The following ATG5 variants were observed in gnomAD, a reference collection of about 807,000 sequenced individuals.
The protein encoded by ATG5 is autophagy protein 5.
Under a neutral mutation model 36.5 loss-of-function variants are expected in ATG5, and 14 were observed. That is an observed-to-expected ratio of 0.38 (90% CI 0.25 to 0.60). ATG5 has a LOEUF of 0.60. Among genes scored for constraint, ATG5 ranks in the 20% least tolerant of loss-of-function variants. ATG5 has a pLI of 0.60. For synonymous variants in ATG5, 95 were observed against 101.5 expected (o/e 0.94, Z 0.38); for missense variants, 195 against 326.7 (o/e 0.60, Z 3.11).
intron 6 of ATG5, among the ~76,000 whole-genome samples, chr6:106,214,805 T>C (rs1238082708): frequency 2.0e-5 from 3 of 152,184 alleles, no homozygotes; most frequent in African/African-American, 7.2e-5. Context: ...ATGCTTGTTA[T>C]AAGCCCATTT....
chr6:106,264,370 G>A (rs1051378881), intron 5 of ATG5, among the ~76,000 whole-genome samples: 2 of 152,130 alleles, frequency 1.3e-5, no homozygotes, highest in Admixed American at 1.3e-4. Context: ...TACAATCGGT[G>A]TACCTGAAAA....
intron 6 of ATG5, among the ~76,000 whole-genome samples, chr6:106,212,527 TAC>T (rs1776893044): frequency 6.6e-6 from 1 of 152,142 alleles, no homozygotes; most frequent in Non-Finnish European, 1.5e-5. Context: ...TAATCCCAGC[TAC>T]TCGGGAGGCT....
chr6:106,255,551 G>A (rs748193538), intron 5 of ATG5, among the ~76,000 whole-genome samples: 4 of 152,096 alleles, frequency 2.6e-5, no homozygotes, highest in South Asian at 2.1e-4. Flanking sequence ...ATCTTTAAAC[G>A]TATTCCAAGA....
chr6:106,316,083 C>T lies in ATG5; in HGVS notation c.108+18G>A. The T allele has an allele frequency of 6.4e-7, 1 of 1,572,234 alleles. No individual in the cohort carries two copies. The highest frequency in any genetic ancestry group is 2.3e-5 in the East Asian group (1 of 43,298). ...GGACAAGGTTAAATATCCCATTTGCCACAATCAATGTACTTACATAGTATG... is the reference window on the plus strand; with the variant it reads ...GGACAAGGTTAAATATCCCATTTGCTACAATCAATGTACTTACATAGTATG... On this transcript the variant is annotated intron_variant, in intron 2 of 7. Coordinates refer to ENST00000369076, the MANE Select transcript of ATG5 (RefSeq NM_004849.4).
At chr6:106,315,628 T>C (rs1274642909) in intron 2 of ATG5, among the ~76,000 whole-genome samples, 2 of 152,160 alleles carry the variant, frequency 1.3e-5, no homozygotes, top group African/African-American at 2.4e-5. Context: ...TATGTGTGCA[T>C]GTTTATATGT....
intron 6 of ATG5, among the ~76,000 whole-genome samples, chr6:106,213,849 A>G (rs1776943150): frequency 6.6e-6 from 1 of 152,234 alleles, no homozygotes; most frequent in Non-Finnish European, 1.5e-5. Context: ...TATCTAATGT[A>G]ACAAGTGCTT....
At chr6:106,193,518 G>C (rs562390730) in intron 7 of ATG5, among the ~76,000 whole-genome samples, 1 of 152,106 alleles carries the variant, frequency 6.6e-6, no homozygotes, top group Non-Finnish European at 1.5e-5. Context: ...ATGATCAGTT[G>C]TAATTATAAA....
chr6:106,202,151 TTA>T (rs1776456257), intron 6 of ATG5, 62 bp from the exon 7 acceptor site: 1 of 1,294,164 alleles, frequency 7.7e-7, no homozygotes, highest in Non-Finnish European at 1.1e-6. Flanking sequence ...AATTACAAAT[TTA>T]TATATCATAA....
At chr6:106,193,093 G>C (rs912272536) in intron 7 of ATG5, among the ~76,000 whole-genome samples, 4 of 152,188 alleles carry the variant, frequency 2.6e-5, no homozygotes, top group Non-Finnish European at 4.4e-5. Context: ...CCTGGGGAAT[G>C]AGATCTCAAT....
chr6:106,200,481 T>TC (rs1464607534), intron 7 of ATG5, among the ~76,000 whole-genome samples: 2 of 151,978 alleles, frequency 1.3e-5, no homozygotes, highest in Non-Finnish European at 2.9e-5. Flanking sequence ...TCTGCAATTT[T>TC]TTTTTTTTTT....
intron 6 of ATG5, among the ~76,000 whole-genome samples, chr6:106,228,507 G>A (rs558291226): frequency 6.6e-5 from 10 of 152,166 alleles, no homozygotes; most frequent in Middle Eastern, 6.8e-3. Context: ...CACTCACCGC[G>A]TGGCCCAAGA....
chr6:106,319,030 G>C (rs1770965421), intron 1 of ATG5, among the ~76,000 whole-genome samples: 1 of 152,126 alleles, frequency 6.6e-6, no homozygotes, highest in South Asian at 2.1e-4. Flanking sequence ...AGACTGTCTG[G>C]AGCCAAAACC....
In ATG5 at chr6:106,252,649, T is replaced by C. The variant is rs550997183; in HGVS notation, c.479-4405A>G. ...AAAACTCAAGGCAAAATAATTCTTA[T>C]GCCACAAATAACATGTCTAAAATCC... On this transcript the variant is annotated intron_variant, in intron 5 of 7. Transcript: ENST00000369076. Among the ~76,000 whole-genome samples the C allele has an allele frequency of 2.0e-5, 3 of 152,314 alleles. No individual in the cohort carries two copies. In the East Asian group the frequency reaches 5.8e-4, roughly 29 times the overall value.
intron 4 of ATG5, among the ~76,000 whole-genome samples, chr6:106,284,719 GT>G (rs1182162409): frequency 6.9e-6 from 1 of 144,332 alleles, no homozygotes; most frequent in Non-Finnish European, 1.5e-5. Flanking sequence ...GTTGTGTGGG[GT>G]TTTTTTTGTT....
At chr6:106,296,980 CAAAG>C (rs1057226537) in intron 3 of ATG5, among the ~76,000 whole-genome samples, 1 of 152,138 alleles carries the variant, frequency 6.6e-6, no homozygotes, top group Admixed American at 6.5e-5. Flanking sequence ...GGACAAAATA[CAAAG>C]AGAGACAGCA....
intron 5 of ATG5, among the ~76,000 whole-genome samples, chr6:106,269,291 T>C (rs964297880): frequency 6.6e-6 from 1 of 152,150 alleles, no homozygotes; most frequent in African/African-American, 2.4e-5. Context: ...ATTGGTGTAT[T>C]TACAACCCCT....
chr6:106,283,192 A>G (rs1779945690), intron 4 of ATG5, among the ~76,000 whole-genome samples: 1 of 152,104 alleles, frequency 6.6e-6, no homozygotes, highest in Non-Finnish European at 1.5e-5. Flanking sequence ...ACGAGATTCA[A>G]TTTGCTAGTA....
At chr6:106,276,369 C>T (rs145060025) in intron 5 of ATG5, among the ~76,000 whole-genome samples, 3,605 of 150,246 alleles carry the variant, frequency 0.024, 132 homozygotes, top group African/African-American at 0.081. Flanking sequence ...GAGGCTGAGG[C>T]AGGAGAATGG....
intron 5 of ATG5, among the ~76,000 whole-genome samples, chr6:106,254,064 C>CTT (rs946106777): frequency 1.3e-5 from 2 of 152,170 alleles, no homozygotes; most frequent in African/African-American, 4.8e-5. Flanking sequence ...TTACTAAGCT[C>CTT]TAAGTCATGC....
Sources: allele counts gnomAD v4.1 joint callset (sites outside exome capture counted in the v4.1 genomes callset), GRCh38; gene constraint gnomAD v4.1.1; transcripts MANE v1.5; gene names NCBI Gene and HGNC (gene_info 2026-07-23, HGNC 2026-07-21).